The following CTNNA3 variants were observed in gnomAD, a reference collection of about 807,000 sequenced individuals.
CTNNA3 encodes the protein catenin alpha 3.
In CTNNA3, 76 loss-of-function variants were observed where a neutral mutation model predicts 95.7. The observed-to-expected ratio is 0.79, with a 90% confidence interval of 0.66 to 0.96. The LOEUF (loss-of-function observed/expected upper bound fraction) is 0.96. Ranked by LOEUF, CTNNA3 falls within the 40% of genes least tolerant of loss-of-function variation. CTNNA3 has a pLI of 0.00. For synonymous variants in CTNNA3, 431 were observed against 374.4 expected (o/e 1.15, Z -1.74); for missense variants, 1,191 against 1,089.8 (o/e 1.09, Z -1.31).
intron 11 of CTNNA3, among the ~76,000 whole-genome samples, chr10:66,482,315 T>G (rs1839566107): frequency 6.6e-6 from 1 of 152,124 alleles, no homozygotes; most frequent in Non-Finnish European, 1.5e-5. Flanking sequence ...TAAATGTAAA[T>G]TGAGTATGAC....
chr10:66,354,654 G>A (rs1168590514), intron 12 of CTNNA3, among the ~76,000 whole-genome samples: 1 of 151,890 alleles, frequency 6.6e-6, no homozygotes, highest in African/African-American at 2.4e-5. Flanking sequence ...AACGTCCTTA[G>A]CCTTTTTGGA....
intron 7 of CTNNA3, among the ~76,000 whole-genome samples, chr10:67,022,111 T>A (rs1158230742): frequency 1.3e-5 from 2 of 152,132 alleles, no homozygotes; most frequent in African/African-American, 4.8e-5. Flanking sequence ...TAGCTTGTAT[T>A]TGAAGCCAAA....
intron 7 of CTNNA3, among the ~76,000 whole-genome samples, chr10:66,845,073 C>T (rs1297500113): frequency 6.6e-6 from 1 of 152,078 alleles, no homozygotes; most frequent in African/African-American, 2.4e-5. Context: ...ATTATACCAA[C>T]AATAGAGAAC....
chr10:67,115,751 G>T (rs1859149634), intron 7 of CTNNA3, among the ~76,000 whole-genome samples: 1 of 151,816 alleles, frequency 6.6e-6, no homozygotes, highest in South Asian at 2.1e-4. Context: ...AGAGGGTGGG[G>T]AGAGAGGGCA....
chr10:66,648,531 G>A (rs542514811), intron 9 of CTNNA3, among the ~76,000 whole-genome samples: 23 of 152,182 alleles, frequency 1.5e-4, no homozygotes, highest in Non-Finnish European at 1.2e-4. Context: ...CCTAAAGACC[G>A]GGGACAAGTG....
rs116647032 is a variant in CTNNA3, at chr10:66,426,403, C to T, written c.1532-47051G>A. 5.1e-3 allele frequency among the ~76,000 whole-genome samples: 772 copies of T among 152,024 alleles called. 17 individuals carry two copies. The highest frequency in any genetic ancestry group is 0.018 in the African/African-American group (748 of 41,522). On this transcript the variant is annotated intron_variant, in intron 11 of 17. Transcript: ENST00000433211. The stretch of plus-strand genomic sequence containing the variant: ...TACACTTTCAAAAGCTATTGATTAC[C>T]GTGCTTTCTTTTTTAATTTACTCTT...
chr10:66,671,033 T>C (rs1317279552), intron 9 of CTNNA3, among the ~76,000 whole-genome samples: 1 of 152,234 alleles, frequency 6.6e-6, no homozygotes, highest in African/African-American at 2.4e-5. Flanking sequence ...CTTGGATTTC[T>C]TGGGAGAAGC....
intron 5 of CTNNA3, among the ~76,000 whole-genome samples, chr10:67,398,653 C>T (rs1010781741): frequency 6.6e-6 from 1 of 152,080 alleles, no homozygotes; most frequent in African/African-American, 2.4e-5. Context: ...TATGGTTTGG[C>T]TGTGTCCCTA....
chr10:65,936,084 G>A (rs1198422983), intron 17 of CTNNA3, among the ~76,000 whole-genome samples: 1 of 152,102 alleles, frequency 6.6e-6, no homozygotes, highest in Non-Finnish European at 1.5e-5. Flanking sequence ...AATGCTACCA[G>A]GGAAGACAAA....
chr10:66,417,880 G>T (rs993031937), intron 11 of CTNNA3, among the ~76,000 whole-genome samples: 1 of 151,788 alleles, frequency 6.6e-6, no homozygotes, highest in Admixed American at 6.6e-5. Flanking sequence ...TACGAGGGAA[G>T]TTTATAGAAA....
intron 11 of CTNNA3, among the ~76,000 whole-genome samples, chr10:66,379,703 A>T (rs1293519274): frequency 6.6e-6 from 1 of 152,332 alleles, no homozygotes; most frequent in East Asian, 1.9e-4. Context: ...ATGAAATTCT[A>T]CATCGTGAAT....
chr10:67,072,658 C>T (rs2619652), intron 7 of CTNNA3, among the ~76,000 whole-genome samples: 52,600 of 151,946 alleles, frequency 0.35, 9,624 homozygotes, highest in Middle Eastern at 0.55. Flanking sequence ...CCATGACACT[C>T]CCTGGATTTT....
intron 13 of CTNNA3, among the ~76,000 whole-genome samples, chr10:66,234,257 C>T (rs1327065936): frequency 3.3e-5 from 5 of 151,852 alleles, no homozygotes; most frequent in African/African-American, 1.2e-4. Flanking sequence ...ACATGTTTAC[C>T]AAATAAATAA....
intron 5 of CTNNA3, among the ~76,000 whole-genome samples, chr10:67,329,650 A>G (rs1214265982): frequency 1.3e-5 from 2 of 152,242 alleles, no homozygotes; most frequent in Non-Finnish European, 2.9e-5. Context: ...AAATATTAAA[A>G]TGGGAAGAGA....
chr10:66,105,929 A>G lies in CTNNA3; in HGVS notation c.1885-2680T>C, dbSNP rs545089140. Among the ~76,000 whole-genome samples the G allele has an allele frequency of 3.8e-4, 58 of 152,268 alleles. 2 individuals are homozygous for G. Among genetic ancestry groups the G allele is most frequent in the African/African-American group, 1.4e-3 (57 of 41,556 alleles). ...CAATACATTAACTCCTTCAGCACTAAACACAAATAATAGAAACAGCAAATA... is the reference window on the plus strand; with the variant it reads ...CAATACATTAACTCCTTCAGCACTAGACACAAATAATAGAAACAGCAAATA... On this transcript the variant is annotated intron_variant, in intron 13 of 17. Coordinates refer to ENST00000433211, the MANE Select transcript of CTNNA3 (RefSeq NM_013266.4).
At chr10:66,322,836 T>TA (rs2092207456) in intron 12 of CTNNA3, among the ~76,000 whole-genome samples, 1 of 151,948 alleles carries the variant, frequency 6.6e-6, no homozygotes, top group Admixed American at 6.6e-5. Context: ...TTTCACTAGA[T>TA]ACACCGCTCC....
intron 7 of CTNNA3, among the ~76,000 whole-genome samples, chr10:67,017,382 A>G (rs992469640): frequency 6.6e-6 from 1 of 152,174 alleles, no homozygotes; most frequent in Non-Finnish European, 1.5e-5. Context: ...GATTCTTTCT[A>G]CCACATCCTG....
chr10:66,168,239 A>G (rs967266645), intron 13 of CTNNA3, among the ~76,000 whole-genome samples: 1 of 152,154 alleles, frequency 6.6e-6, no homozygotes, highest in Non-Finnish European at 1.5e-5. Flanking sequence ...CCCATACCAT[A>G]TTGTGAAGTG....
chr10:67,276,249 T>C (rs1253384836), intron 5 of CTNNA3, among the ~76,000 whole-genome samples: 1 of 152,168 alleles, frequency 6.6e-6, no homozygotes, highest in Non-Finnish European at 1.5e-5. Flanking sequence ...TTTTGTCTGA[T>C]TGGAGAGTAT....
Sources: gnomAD v4.1 joint callset for allele counts (sites outside exome capture counted in the v4.1 genomes callset) on GRCh38, gnomAD v4.1.1 for gene constraint, MANE v1.5 for transcripts, NCBI Gene and HGNC (gene_info 2026-07-23, HGNC 2026-07-21) for gene names.